Variants in GPR158 observed in about 807,000 individuals in gnomAD.
The protein encoded by GPR158 is G protein-coupled receptor 158.
Under a neutral mutation model 78.2 loss-of-function variants are expected in GPR158, and 30 were observed. The observed-to-expected ratio is 0.38, with a 90% CI of 0.29 to 0.52. GPR158 has a LOEUF of 0.52. Ranked by LOEUF, GPR158 falls within the 20% of genes least tolerant of loss-of-function variation. The probability of loss-of-function intolerance (pLI) is 0.83; values close to 1 mark genes in which losing one functional copy is unlikely to be tolerated. For synonymous variants in GPR158, 581 were observed against 591.1 expected, an observed-to-expected ratio of 0.98 and a Z score of 0.25; for missense variants, 1,463 against 1,523.5, an observed-to-expected ratio of 0.96 and a Z score of 0.66.
intron 5 of GPR158, among the ~76,000 whole-genome samples, chr10:25,529,614 A>G (rs1398889909): frequency 1.3e-5 from 2 of 152,332 alleles, no homozygotes; most frequent in Non-Finnish European, 2.9e-5. Flanking sequence ...TAAAAGCGCA[A>G]TATAAAGGTT....
At chr10:25,202,452 G>C (rs1244277759) in intron 1 of GPR158, among the ~76,000 whole-genome samples, 1 of 152,088 alleles carries the variant, frequency 6.6e-6, no homozygotes, top group Non-Finnish European at 1.5e-5. Context: ...CCCTTCCTGT[G>C]TCCAAGTGTT....
At chr10:25,386,685 T>C (rs1834226625) in intron 2 of GPR158, among the ~76,000 whole-genome samples, 1 of 152,162 alleles carries the variant, frequency 6.6e-6, no homozygotes, top group Admixed American at 6.5e-5. Flanking sequence ...CTCCTAATCA[T>C]TTTATTCTTT....
chr10:25,597,671 A>C lies in GPR158; in HGVS notation c.2146-101A>C, dbSNP rs566388508. On this transcript the variant is annotated intron_variant, in intron 10 of 10. Transcript: ENST00000376351. ...AGAAAGCTGTAGAGCAGTTGCCCCA[A>C]ATTAGAGCCCAAGTTTACTGAATTC... The C allele has an allele frequency of 2.3e-5, 21 of 915,604 alleles. No homozygotes were observed. The African/African-American group carries it at 2.5e-4, about 11-fold the overall frequency. The allele number at this position is 915,604 out of a possible 1,614,324, so 56.7% of individuals were successfully genotyped here. A position where few individuals can be genotyped will look rare whatever the true frequency, so the allele number is the denominator to read the frequency against.
chr10:25,598,511 A>G lies in GPR158; in HGVS notation c.2885A>G (p.Asn962Ser), dbSNP rs769271242. 4 of 1,612,942 alleles carry G rather than the reference A, an allele frequency of 2.5e-6. No individual in the cohort carries two copies. The highest frequency in any genetic ancestry group is 3.4e-6 in the Non-Finnish European group (4 of 1,179,774). Residue 962 changes from asparagine to serine, a missense_variant, in exon 11 of 11, where the codon AAT becomes AGT. Coordinates refer to ENST00000376351, the MANE Select transcript of GPR158 (RefSeq NM_020752.3). ...ETKDPAPQNS[N>S]PAEEPRKPQK... is the part of the protein sequence containing the mutation. ...AAAGATCCTGCCCCCCAAAACTCAAATCCTGCGGAGGAGCCAAGAAAGCCT... is the reference window on the plus strand; with the variant it reads ...AAAGATCCTGCCCCCCAAAACTCAAGTCCTGCGGAGGAGCCAAGAAAGCCT...
At chr10:25,546,353 G>A (rs1195778127) in intron 5 of GPR158, among the ~76,000 whole-genome samples, 1 of 152,126 alleles carries the variant, frequency 6.6e-6, no homozygotes, top group African/African-American at 2.4e-5. Flanking sequence ...AGGCAATCAA[G>A]CAGACTTCTA....
At chr10:25,285,654 A>G (rs1352654951) in intron 2 of GPR158, among the ~76,000 whole-genome samples, 1 of 152,076 alleles carries the variant, frequency 6.6e-6, no homozygotes, top group Admixed American at 6.6e-5. Context: ...ATTGGATGGT[A>G]CTCACCCACT....
At chr10:25,382,064 G>A (rs932980969) in intron 2 of GPR158, among the ~76,000 whole-genome samples, 7 of 152,166 alleles carry the variant, frequency 4.6e-5, no homozygotes, top group Non-Finnish European at 7.4e-5. Context: ...CTGTGACTGC[G>A]GGGAGCATGG....
At chr10:25,377,523 C>T (rs774413008) in intron 2 of GPR158, among the ~76,000 whole-genome samples, 1 of 152,008 alleles carries the variant, frequency 6.6e-6, no homozygotes, top group Non-Finnish European at 1.5e-5. Flanking sequence ...ACCCTGTACT[C>T]ATTAGGTTCA....
chr10:25,315,737 A>C, intron 2 of GPR158, among the ~76,000 whole-genome samples: 1 of 151,878 alleles, frequency 6.6e-6, no homozygotes, highest in East Asian at 1.9e-4. Context: ...TAAAGTTTTA[A>C]AGTTAGGAAG....
At position 25,176,183 on chromosome 10, in the gene GPR158, G is replaced by C. The variant is rs962321433; in HGVS notation, c.763G>C (p.Gly255Arg). The change falls in exon 1 of 11, where the codon GGG becomes CGG. Residue 255 changes from glycine (G) to arginine (R), a missense_variant. Physicochemically the swap from Gly to Arg is moderately radical, Grantham distance 125. Transcript: ENST00000376351. The surrounding 1 kb of genome is among the most constrained non-coding windows in gnomAD (Gnocchi z 6.3). ...GLGHSWRRKD[G>R]LGGDKSHFKW... ...GGGCCACAGCTGGCGGCGCAAGGAC[G>C]GGCTCGGCGGGGACAAGAGCCACTT... is the stretch of plus-strand genomic sequence containing the variant. 7.6e-6 allele frequency: 12 copies of C among 1,573,786 alleles called. No individual in the cohort carries two copies. The South Asian group carries it at 1.3e-4, about 17-fold the overall frequency.
chr10:25,367,776 G>A (rs1178970480), intron 2 of GPR158, among the ~76,000 whole-genome samples: 1 of 151,690 alleles, frequency 6.6e-6, no homozygotes, highest in Non-Finnish European at 1.5e-5. Context: ...TTCTTCAGAT[G>A]TCCCTTTTAA....
At chr10:25,474,404 T>C (rs1835552554) in intron 5 of GPR158, among the ~76,000 whole-genome samples, 1 of 152,142 alleles carries the variant, frequency 6.6e-6, no homozygotes, top group Non-Finnish European at 1.5e-5. Flanking sequence ...AGATTCTTCC[T>C]CTTTTCCTTT....
chr10:25,248,167 GT>G (rs1418355859), intron 2 of GPR158, among the ~76,000 whole-genome samples: 2 of 151,722 alleles, frequency 1.3e-5, no homozygotes, highest in Non-Finnish European at 2.9e-5. Context: ...GGGGTTGTTT[GT>G]TTTTTTCTTG....
intron 2 of GPR158, among the ~76,000 whole-genome samples, chr10:25,374,374 A>G (rs994188605): frequency 6.6e-6 from 1 of 151,648 alleles, no homozygotes; most frequent in Non-Finnish European, 1.5e-5. Context: ...TAATATCAAA[A>G]CTAGGAAACT....
At position 25,462,569 on chromosome 10, in the gene GPR158, C is replaced by T. The variant is rs148142919; in HGVS notation, c.1336-4082C>T. Among the ~76,000 whole-genome samples, 579 of 152,258 alleles carry T rather than the reference C, an allele frequency of 3.8e-3. 2 individuals are homozygous for T. The highest frequency in any genetic ancestry group is 7.2e-3 in the Non-Finnish European group (492 of 68,018). On this transcript the variant is annotated intron_variant, in intron 4 of 10. Transcript: ENST00000376351. ...CTGAAAACCTCTGGAAAGGATTCAC[C>T]ATTCTAGATGCCATTGAGAACATTT...
intron 2 of GPR158, among the ~76,000 whole-genome samples, chr10:25,252,845 G>C (rs1041009918): frequency 1.3e-5 from 2 of 152,022 alleles, no homozygotes; most frequent in East Asian, 1.9e-4. Flanking sequence ...GCTCCACCCA[G>C]TTCGAGCTTC....
chr10:25,285,242 CCT>C (rs1419501937), intron 2 of GPR158, among the ~76,000 whole-genome samples: 1 of 151,664 alleles, frequency 6.6e-6, no homozygotes, highest in Non-Finnish European at 1.5e-5. Context: ...TCTCTTTCCC[CCT>C]CTTTCTTTCT....
At chr10:25,474,085 A>G (rs762625593) in intron 5 of GPR158, among the ~76,000 whole-genome samples, 15 of 152,096 alleles carry the variant, frequency 9.9e-5, no homozygotes, top group Non-Finnish European at 1.8e-4. Context: ...GATGAAAAAG[A>G]TTGGCTGGCA....
At chr10:25,581,067 G>A (rs1214514498) in intron 7 of GPR158, among the ~76,000 whole-genome samples, 4 of 150,646 alleles carry the variant, frequency 2.7e-5, no homozygotes, top group Non-Finnish European at 4.4e-5. Context: ...TGGGACTACA[G>A]GCGCCCGCCA....
Sources: allele counts gnomAD v4.1 joint callset (sites outside exome capture counted in the v4.1 genomes callset), GRCh38; gene constraint gnomAD v4.1.1; non-coding constraint Gnocchi (gnomAD v3.1); transcripts MANE v1.5; gene names NCBI Gene and HGNC (gene_info 2026-07-23, HGNC 2026-07-21).